The following PATJ variants were observed in gnomAD, a reference collection of about 807,000 sequenced individuals.
The protein encoded by PATJ is inaD-like protein.
Under a neutral mutation model 224.9 loss-of-function variants are expected in PATJ, and 190 were observed. The observed-to-expected ratio is 0.84, with a 90% confidence interval of 0.75 to 0.95. PATJ has a LOEUF of 0.95. PATJ is among the 40% of genes least tolerant of loss of function. The pLI, the probability that PATJ is intolerant of heterozygous loss-of-function variation, is 0.00. For missense variants in PATJ, 2,121 were observed against 2,270.3 expected (o/e 0.93, Z 1.34); for synonymous variants, 769 against 820.3 (o/e 0.94, Z 1.07).
rs1014120733 is a variant in PATJ, at chr1:62,161,813, G to A, written c.*759G>A. On this transcript the variant is annotated 3_prime_UTR_variant, in exon 44 of 44. Coordinates refer to ENST00000642238, the MANE Select transcript of PATJ (RefSeq NM_001350145.3). ...TTAAGCAACTTGTCATCTCACTCAT[G>A]ATTTACTTATGCTAATTGTCTCTTC... 6.6e-6 allele frequency: 1 copy of A among 152,180 alleles called. No individual in the cohort carries two copies. The highest frequency in any genetic ancestry group is 6.5e-5 in the Admixed American group (1 of 15,278). The allele number at this position is 152,180 out of a possible 1,614,324, so 9.4% of individuals were successfully genotyped here.
intron 17 of PATJ, among the ~76,000 whole-genome samples, chr1:61,838,940 A>C (rs1051110594): frequency 6.6e-6 from 1 of 152,234 alleles, no homozygotes; most frequent in East Asian, 1.9e-4. Context: ...TAATTGCTTT[A>C]CATGTATTAG....
intron 27 of PATJ, among the ~76,000 whole-genome samples, chr1:61,943,078 T>C (rs540868508): frequency 6.6e-6 from 1 of 152,236 alleles, no homozygotes; most frequent in Admixed American, 6.5e-5. Context: ...TATTCAGCAA[T>C]GAAAAGGAGT....
rs575750621 is a variant in PATJ, at chr1:61,879,295, G to A, written c.2959+3929G>A. ...TGGTTATTCTTTTTCTCGGGAAATGGGGTAATGGCACAGATGGCATATTGG... is the reference window on the plus strand; with the variant it reads ...TGGTTATTCTTTTTCTCGGGAAATGAGGTAATGGCACAGATGGCATATTGG... On this transcript the variant is annotated intron_variant, in intron 21 of 43. Transcript: ENST00000642238. 2.0e-5 allele frequency among the ~76,000 whole-genome samples: 3 copies of A among 152,250 alleles called. No homozygotes were observed. The East Asian group carries it at 5.8e-4, about 29-fold the overall frequency.
chr1:61,760,938 G>A (rs926562190), intron 1 of PATJ, among the ~76,000 whole-genome samples: 8 of 151,916 alleles, frequency 5.3e-5, no homozygotes, highest in Admixed American at 2.0e-4. Flanking sequence ...AGCTGTAGAT[G>A]ACTAGTAAGA....
intron 26 of PATJ, among the ~76,000 whole-genome samples, chr1:61,923,975 C>CTCATT (rs1674734124): frequency 6.7e-6 from 1 of 150,278 alleles, no homozygotes; most frequent in African/African-American, 2.4e-5. Flanking sequence ...AACTAATGAG[C>CTCATT]AGATCTTGAA....
chr1:61,808,124 T>G (rs1190713818), intron 13 of PATJ, among the ~76,000 whole-genome samples: 2 of 152,196 alleles, frequency 1.3e-5, no homozygotes, highest in African/African-American at 4.8e-5. Flanking sequence ...TGGCCATATT[T>G]TTGATTTTGT....
At chr1:62,147,796 TAAAA>T (rs34657838) in intron 41 of PATJ, among the ~76,000 whole-genome samples, 1 of 128,456 alleles carries the variant, frequency 7.8e-6, no homozygotes, top group Non-Finnish European at 1.7e-5. Context: ...AGACTCCGAC[TAAAA>T]AAAAAAAAAA....
Position 61,990,201 on chromosome 1 carries a change from G to A in PATJ, c.3704G>A (p.Gly1235Glu), listed in dbSNP as rs1036908900. 6.2e-7 allele frequency: 1 copy of A among 1,610,884 alleles called. No homozygotes were observed. The highest frequency in any genetic ancestry group is 1.3e-5 in the African/African-American group (1 of 74,798). ...AGACAAAGATATGCAGATCTGCCTG[G>A]AGAACTGCACATTATTGAACTTGAA... Reference protein sequence around the residue: ...KIRQRYADLPGELHIIELEKD... With the variant: ...KIRQRYADLPEELHIIELEKD... Residue 1235 changes from glycine (G) to glutamate (E), a missense_variant, in exon 28 of 44, where the codon GGA (glycine) becomes GAA (glutamate). By Grantham distance (98) the Gly-to-Glu change is moderately conservative (BLOSUM62 -2). Transcript: ENST00000642238.
At chr1:62,040,970 C>T (rs1484036046) in intron 30 of PATJ, among the ~76,000 whole-genome samples, 1 of 152,126 alleles carries the variant, frequency 6.6e-6, no homozygotes. Context: ...ATGGCAAACA[C>T]TCAGGGAATG....
intron 27 of PATJ, among the ~76,000 whole-genome samples, chr1:61,936,514 A>T (rs1212913563): frequency 1.3e-5 from 2 of 151,638 alleles, no homozygotes; most frequent in African/African-American, 4.8e-5. Context: ...TGTCAGTCTC[A>T]AAAATTCAAA....
At chr1:61,927,665 T>C in intron 26 of PATJ, 65 bp from the exon 27 acceptor site, 1 of 1,003,372 alleles carries the variant, frequency 1.0e-6, no homozygotes, top group Non-Finnish European at 1.5e-6. Context: ...TTATGCTTTT[T>C]GTCATTGAAG....
At chr1:61,757,460 C>T (rs1223608048) in intron 1 of PATJ, among the ~76,000 whole-genome samples, 1 of 152,134 alleles carries the variant, frequency 6.6e-6, no homozygotes, top group East Asian at 1.9e-4. Flanking sequence ...TCTCGGCTCA[C>T]TGCAGCCTCA....
intron 32 of PATJ, among the ~76,000 whole-genome samples, chr1:62,082,445 G>C (rs1030268845): frequency 6.6e-5 from 10 of 152,168 alleles, no homozygotes; most frequent in Non-Finnish European, 1.0e-4. Flanking sequence ...ACTCAACTGT[G>C]GCTCTGTGCC....
At chr1:62,055,329 C>G (rs1295632939) in intron 31 of PATJ, among the ~76,000 whole-genome samples, 3 of 152,178 alleles carry the variant, frequency 2.0e-5, no homozygotes, top group Admixed American at 6.5e-5. Context: ...TGGGTATAAA[C>G]TTGTGTGCTT....
chr1:62,149,128 C>CAAAAAAA (rs773276557), intron 42 of PATJ, among the ~76,000 whole-genome samples: 1 of 60,426 alleles, frequency 1.7e-5, no homozygotes, highest in African/African-American at 5.7e-5. Context: ...AACTCCATCT[C>CAAAAAAA]AAAAAAAAAA....
intron 20 of PATJ, among the ~76,000 whole-genome samples, chr1:61,869,886 C>T (rs1235261094): frequency 6.6e-6 from 1 of 152,236 alleles, no homozygotes; most frequent in African/African-American, 2.4e-5. Context: ...CTTTTGGGTA[C>T]TGGCAGGAGC....
At chr1:62,099,443 CTCTT>C (rs961147472) in intron 33 of PATJ, among the ~76,000 whole-genome samples, 1 of 132,600 alleles carries the variant, frequency 7.5e-6, no homozygotes, top group Admixed American at 8.4e-5. Flanking sequence ...AGACATAACA[CTCTT>C]TCTGGATCAC....
chr1:61,847,778 T>C (rs1251148288), intron 17 of PATJ, among the ~76,000 whole-genome samples: 1 of 152,232 alleles, frequency 6.6e-6, no homozygotes, highest in Non-Finnish European at 1.5e-5. Flanking sequence ...AAATGATTAA[T>C]TATACCCTAT....
At chr1:61,931,677 T>C (rs1259663053) in intron 27 of PATJ, among the ~76,000 whole-genome samples, 2 of 152,174 alleles carry the variant, frequency 1.3e-5, no homozygotes, top group Non-Finnish European at 2.9e-5. Flanking sequence ...GGTGAGAGGA[T>C]AGCTTGAGCC....
Sources: gnomAD v4.1 joint callset for allele counts (sites outside exome capture counted in the v4.1 genomes callset) on GRCh38, gnomAD v4.1.1 for gene constraint, MANE v1.5 for transcripts, NCBI Gene and HGNC (gene_info 2026-07-23, HGNC 2026-07-21) for gene names.